GALK2: variants seen among roughly 807,000 people sequenced by gnomAD.
GALK2 encodes the protein galactokinase 2.
A neutral mutation model predicts 52.4 loss-of-function variants in GALK2; 36 were observed. The observed-to-expected ratio is 0.69, with a 90% confidence interval of 0.53 to 0.91. The LOEUF is 0.91. Ranked by LOEUF, GALK2 falls within the 40% of genes least tolerant of loss-of-function variation. GALK2 has a pLI of 0.00. For missense variants in GALK2, 579 were observed against 559.1 expected, an observed-to-expected ratio of 1.04 and a Z score of -0.36; for synonymous variants, 176 against 199.1, an observed-to-expected ratio of 0.88 and a Z score of 0.98.
chr15:49,336,950 T>C lies in GALK2; in HGVS notation c.426+17145T>C, dbSNP rs535683683. Reference sequence around the variant, plus strand: ...TTAGCTCCCACTTACAGTTAGAACATGTGGTATTTGGTGTTATTTACTTAG... The same window carrying C: ...TTAGCTCCCACTTACAGTTAGAACACGTGGTATTTGGTGTTATTTACTTAG... On this transcript the variant is annotated intron_variant, in intron 3 of 3. Coordinates refer to the GALK2 transcript ENST00000558399. Among the ~76,000 whole-genome samples the C allele has an allele frequency of 9.4e-4, 143 of 152,324 alleles. 5 individuals carry two copies. In the South Asian group the frequency reaches 0.028, roughly 30 times the overall value.
At chr15:49,253,574 T>C (rs2091697373) in intron 5 of GALK2, among the ~76,000 whole-genome samples, 2 of 144,156 alleles carry the variant, frequency 1.4e-5, no homozygotes, top group Non-Finnish European at 3.1e-5. Flanking sequence ...TCATGAATAA[T>C]GTAACTTACC....
intron 3 of GALK2, chr15:49,366,078 T>C (rs1005754990): frequency 3.6e-6 from 3 of 831,204 alleles, no homozygotes; most frequent in Non-Finnish European, 6.4e-6. Context: ...CTATCTTCAG[T>C]TGTCACTGCT....
At chr15:49,349,138 A>G (rs1184840433) in intron 3 of GALK2, among the ~76,000 whole-genome samples, 1 of 152,214 alleles carries the variant, frequency 6.6e-6, no homozygotes, top group African/African-American at 2.4e-5. Context: ...TTTTATTAAA[A>G]GAAAATCCCT....
chr15:49,280,898 G>A (rs2032592417), intron 5 of GALK2, among the ~76,000 whole-genome samples: 1 of 152,066 alleles, frequency 6.6e-6, no homozygotes, highest in African/African-American at 2.4e-5. Context: ...GTGCAGTGGT[G>A]CAACCTCGGC....
At position 49,309,522 on chromosome 15, in the gene GALK2, T is replaced by A. The variant is rs371719129; in HGVS notation, c.968-10082T>A. The stretch of plus-strand genomic sequence containing the variant: ...TCAATATAGGTATACAAATGTGTAA[T>A]GATCAAGTCAAGATAATTAGGCTAT... On this transcript the variant is annotated intron_variant, in intron 8 of 9. Coordinates refer to ENST00000560031, the MANE Select transcript of GALK2 (RefSeq NM_002044.4). Among the ~76,000 whole-genome samples, 5 of 152,314 alleles carry A rather than the reference T, an allele frequency of 3.3e-5. No individual in the cohort carries two copies. In the East Asian group the frequency reaches 7.7e-4, roughly 24 times the overall value.
At chr15:49,242,851 G>T (rs1335503260) in intron 5 of GALK2, among the ~76,000 whole-genome samples, 1 of 152,154 alleles carries the variant, frequency 6.6e-6, no homozygotes, top group Non-Finnish European at 1.5e-5. Flanking sequence ...CTTTTTCTGT[G>T]TCCCTAAATT....
chr15:49,354,994 C>T (rs1407836057), intron 3 of GALK2, among the ~76,000 whole-genome samples: 8 of 151,278 alleles, frequency 5.3e-5, no homozygotes, highest in African/African-American at 1.5e-4. Flanking sequence ...ACACCTCACA[C>T]GGCAGGGTAC....
At chr15:49,203,619 G>A (rs1230324739) in intron 2 of GALK2, among the ~76,000 whole-genome samples, 3 of 152,062 alleles carry the variant, frequency 2.0e-5, no homozygotes, top group African/African-American at 7.2e-5. Context: ...GTCTTGAAGT[G>A]TTTCCTTTAT....
chr15:49,173,886 G>T lies in GALK2; in HGVS notation c.53+3511G>T, dbSNP rs142265921. Among the ~76,000 whole-genome samples, 660 of 152,180 alleles carry T rather than the reference G, an allele frequency of 4.3e-3. 1 individual carries two copies. Among genetic ancestry groups the T allele is most frequent in the Non-Finnish European group, 6.2e-3 (421 of 68,002 alleles). On this transcript the variant is annotated intron_variant, in intron 1 of 9. Coordinates refer to ENST00000560031, the MANE Select transcript of GALK2 (RefSeq NM_002044.4). ...GCCTTCCAAGTAGTTGGGATCACAG[G>T]AATGTGCCACCATGTCTGGCTAATT...
At chr15:49,179,752 A>G (rs1266167441) in intron 1 of GALK2, among the ~76,000 whole-genome samples, 1 of 151,006 alleles carries the variant, frequency 6.6e-6, no homozygotes, top group African/African-American at 2.4e-5. Context: ...CCCATTTAAC[A>G]GTATGATCTT....
intron 5 of GALK2, among the ~76,000 whole-genome samples, chr15:49,268,979 T>C (rs2029920833): frequency 6.6e-6 from 1 of 152,244 alleles, no homozygotes; most frequent in Non-Finnish European, 1.5e-5. Context: ...TTTATCTAAG[T>C]TTTGTTAAGC....
intron 5 of GALK2, among the ~76,000 whole-genome samples, chr15:49,251,280 A>G (rs1000677911): frequency 6.6e-6 from 1 of 152,232 alleles, no homozygotes; most frequent in African/African-American, 2.4e-5. Flanking sequence ...TTTATCATTT[A>G]AAAATCAGTG....
At chr15:49,204,732 A>G (rs1483402301) in intron 2 of GALK2, among the ~76,000 whole-genome samples, 2 of 152,142 alleles carry the variant, frequency 1.3e-5, no homozygotes, top group African/African-American at 4.8e-5. Flanking sequence ...TTATTGGGGT[A>G]CAGGTGGTAT....
chr15:49,288,843 G>T (rs2033648743), intron 7 of GALK2, among the ~76,000 whole-genome samples: 1 of 152,180 alleles, frequency 6.6e-6, no homozygotes, highest in African/African-American at 2.4e-5. Context: ...CTTTTGCCTT[G>T]GTTGAAGAGA....
intron 5 of GALK2, among the ~76,000 whole-genome samples, chr15:49,271,668 C>T (rs953330698): frequency 2.0e-5 from 3 of 152,260 alleles, no homozygotes; most frequent in Middle Eastern, 3.4e-3. Context: ...CCCTCCCTCA[C>T]GGATTTGAAA....
rs202018322 is a variant in GALK2, at chr15:49,221,450, GAGGTC to G, written c.266+4141_266+4145del. On this transcript the variant is annotated intron_variant, in intron 3 of 9. Transcript: ENST00000560031. Reference sequence around the variant, plus strand: ...GGAGGCTGAGGCAGGCAGATCACCTGAGGTCAGGAGTTTGAGACCAGCCTGGCCAA... The same window carrying G: ...GGAGGCTGAGGCAGGCAGATCACCTGAGGAGTTTGAGACCAGCCTGGCCAA... 8.7e-3 allele frequency among the ~76,000 whole-genome samples: 1,319 copies of G among 152,198 alleles called. 24 individuals carry two copies. Among genetic ancestry groups the G allele is most frequent in the African/African-American group, 0.031 (1,267 of 41,494 alleles).
intron 3 of GALK2, among the ~76,000 whole-genome samples, chr15:49,344,956 G>A (rs1201529631): frequency 6.6e-6 from 1 of 152,132 alleles, no homozygotes; most frequent in African/African-American, 2.4e-5. Context: ...TACAACCAAT[G>A]ATACACTTTT....
intron 8 of GALK2, among the ~76,000 whole-genome samples, chr15:49,306,276 G>A (rs2035539318): frequency 6.6e-6 from 1 of 151,926 alleles, no homozygotes; most frequent in Admixed American, 6.6e-5. Context: ...AACTGTTGAC[G>A]TAATCTGTTC....
intron 5 of GALK2, among the ~76,000 whole-genome samples, chr15:49,243,700 A>T (rs1287059982): frequency 1.3e-5 from 2 of 152,190 alleles, no homozygotes; most frequent in East Asian, 3.9e-4. Flanking sequence ...CAAAGACATG[A>T]TGTCCTCAGA....
Sources: gnomAD v4.1 joint callset for allele counts (sites outside exome capture counted in the v4.1 genomes callset) on GRCh38, gnomAD v4.1.1 for gene constraint, MANE v1.5 for transcripts, NCBI Gene and HGNC (gene_info 2026-07-23, HGNC 2026-07-21) for gene names.